TMEM50B: variants seen among roughly 807,000 people sequenced by gnomAD.
TMEM50B encodes transmembrane protein 50B, also known as HCV p7-trans-regulated protein 3.
Under a neutral mutation model 23.4 loss-of-function variants are expected in TMEM50B, and 14 were observed. The ratio of observed to expected loss-of-function variants is 0.60; its 90% CI spans 0.39 to 0.93. TMEM50B has a LOEUF of 0.93. Ranked by LOEUF, TMEM50B falls within the 40% of genes least tolerant of loss-of-function variation. The probability of loss-of-function intolerance (pLI) is 0.00; values close to 1 mark genes in which losing one functional copy is unlikely to be tolerated. For missense variants in TMEM50B, 159 were observed against 193.0 expected (o/e 0.82, Z 1.04); for synonymous variants, 64 against 62.3 (o/e 1.03, Z -0.13).
chr21:33,435,888 A>AG (rs1174234112), intron 8 of TMEM50B, among the ~76,000 whole-genome samples: 1 of 145,368 alleles, frequency 6.9e-6, no homozygotes, highest in African/African-American at 2.7e-5. Flanking sequence ...GTCTCAAAAA[A>AG]AAAAAAAAAA....
chr21:33,473,609 G>T (rs1459785882), intron 1 of TMEM50B, among the ~76,000 whole-genome samples: 1 of 150,040 alleles, frequency 6.7e-6, no homozygotes, highest in Non-Finnish European at 1.5e-5. Flanking sequence ...CCAGAAGTTC[G>T]AGGTTACAGT....
chr21:33,445,349 C>A (rs2084043028), downstream of TMEM50B, among the ~76,000 whole-genome samples: 1 of 152,254 alleles, frequency 6.6e-6, no homozygotes, highest in Non-Finnish European at 1.5e-5. Context: ...CTATCCAAAA[C>A]CCTAAGTAAA....
At chr21:33,469,672 T>TG (rs1217686475) in intron 1 of TMEM50B, 1 of 152,148 alleles carries the variant, frequency 6.6e-6, no homozygotes, top group African/African-American at 2.4e-5. Flanking sequence ...CACTAATGCT[T>TG]GGGCTACCAT....
Position 33,436,741 on chromosome 21 carries a change from A to T in TMEM50B, c.*2120+2473T>A, listed in dbSNP as rs2083956995. The T allele has an allele frequency of 5.2e-5, 57 of 1,104,686 alleles. No individual in the cohort carries two copies. The East Asian group carries it at 1.5e-3, about 29-fold the overall frequency. The allele number at this position is 1,104,686 out of a possible 1,614,324, so 68.4% of individuals were successfully genotyped here. On this transcript the variant is annotated intron_variant and NMD_transcript_variant, in intron 8 of 8. Transcript: ENST00000420455. ...TCTCAAAAAAAAAATAAAAATAAAA[A>T]TAAAATAAAAACAAAAACTAAAGTT...
Position 33,450,070 on chromosome 21 carries a change from T to C in TMEM50B, c.*748A>G, listed in dbSNP as rs1389632992. The C allele has an allele frequency of 6.6e-6, 1 of 152,196 alleles. No individual in the cohort carries two copies. Among genetic ancestry groups the C allele is most frequent in the Non-Finnish European group, 1.5e-5 (1 of 68,028 alleles). The allele number at this position is 152,196 out of a possible 1,614,324, so 9.4% of individuals were successfully genotyped here. On this transcript the variant is annotated 3_prime_UTR_variant, in exon 7 of 7. Transcript: ENST00000542230. ...TACATAAGAACAAATATTTTTTCTT[T>C]ACCAAAAAAACCTCATTTTTAGGCC... is the stretch of plus-strand genomic sequence containing the variant.
At chr21:33,466,596 G>A (rs955475232) in intron 3 of TMEM50B, among the ~76,000 whole-genome samples, 18 of 152,026 alleles carry the variant, frequency 1.2e-4, no homozygotes, top group African/African-American at 2.2e-4. Context: ...TGAAATCTCA[G>A]AGCCATCAGT....
intron 7 of TMEM50B, among the ~76,000 whole-genome samples, chr21:33,443,703 A>G (rs2084027950): frequency 2.6e-5 from 4 of 152,192 alleles, no homozygotes; most frequent in Admixed American, 2.6e-4. Flanking sequence ...TACTGTATCA[A>G]TGTTAATTTT....
chr21:33,464,412 C>T (rs1034842327), intron 4 of TMEM50B, among the ~76,000 whole-genome samples: 2 of 150,142 alleles, frequency 1.3e-5, no homozygotes, highest in East Asian at 4.1e-4. Context: ...GTTGGCAGGG[C>T]TGGTCTCGAA....
At chr21:33,436,610 T>A (rs1226678795) in intron 8 of TMEM50B, among the ~76,000 whole-genome samples, 2 of 151,754 alleles carry the variant, frequency 1.3e-5, no homozygotes, top group Admixed American at 1.3e-4. Flanking sequence ...TAGTCCCAGC[T>A]ACTTGGAGGA....
chr21:33,476,407 G>A (rs1295556711), intron 1 of TMEM50B, among the ~76,000 whole-genome samples: 4 of 151,970 alleles, frequency 2.6e-5, no homozygotes, highest in Non-Finnish European at 5.9e-5. Context: ...AGAATATATG[G>A]AATCTTAGAA....
intron 1 of TMEM50B, among the ~76,000 whole-genome samples, chr21:33,475,538 G>A (rs1206147261): frequency 6.6e-6 from 1 of 152,014 alleles, no homozygotes; most frequent in Non-Finnish European, 1.5e-5. Flanking sequence ...AGTAGAGACA[G>A]GGTTTCACCA....
chr21:33,479,550 G>A (rs1482870753), intron 1 of TMEM50B, among the ~76,000 whole-genome samples: 1 of 152,206 alleles, frequency 6.6e-6, no homozygotes, highest in Non-Finnish European at 1.5e-5. Context: ...ACCTGACGGC[G>A]TGACAGCGCG....
intron 6 of TMEM50B, among the ~76,000 whole-genome samples, chr21:33,452,871 C>G (rs941024886): frequency 6.6e-6 from 1 of 152,012 alleles, no homozygotes; most frequent in Admixed American, 6.5e-5. Flanking sequence ...GACAAGGACC[C>G]TGAGATAGCT....
At chr21:33,467,234 T>C in intron 2 of TMEM50B, 112 bp from the exon 3 acceptor site, 1 of 886,918 alleles carries the variant, frequency 1.1e-6, no homozygotes, top group Non-Finnish European at 1.7e-6. Flanking sequence ...GTACAGAGGC[T>C]CACGCCTGTA....
chr21:33,448,050 T>C (rs550446997), downstream of TMEM50B, among the ~76,000 whole-genome samples: 17 of 152,360 alleles, frequency 1.1e-4, no homozygotes, highest in Admixed American at 7.2e-4. Flanking sequence ...TGGAGTGCAG[T>C]TGCACGATCT....
At chr21:33,451,203 T>C (rs759201331) in intron 6 of TMEM50B, among the ~76,000 whole-genome samples, 11 of 152,188 alleles carry the variant, frequency 7.2e-5, no homozygotes, top group African/African-American at 1.2e-4. Context: ...TGACAGGCAT[T>C]AGGGCCATTT....
chr21:33,432,870 A>G (rs1302844786), intron 8 of TMEM50B: 2 of 1,606,516 alleles, frequency 1.2e-6, no homozygotes, highest in Non-Finnish European at 1.7e-6. Flanking sequence ...CAGATAGAAG[A>G]GGTACGTGTG....
At chr21:33,461,662 G>A (rs989691257) in intron 4 of TMEM50B, among the ~76,000 whole-genome samples, 6 of 151,944 alleles carry the variant, frequency 3.9e-5, no homozygotes, top group East Asian at 1.9e-4. Context: ...AAAATCAGTC[G>A]GGCTTGGTGG....
Position 33,468,919 on chromosome 21 carries a change from G to A in TMEM50B, c.-34C>T. The A allele has an allele frequency of 6.6e-7, 1 of 1,523,960 alleles. No individual in the cohort carries two copies. Among genetic ancestry groups the A allele is most frequent in the Non-Finnish European group, 9.1e-7 (1 of 1,101,176 alleles). The allele number at this position is 1,523,960 out of a possible 1,614,324, so 94.4% of individuals were successfully genotyped here. On this transcript the variant is annotated 5_prime_UTR_variant, in exon 2 of 7. Coordinates refer to ENST00000542230, the MANE Select transcript of TMEM50B (RefSeq NM_006134.7). ...CTTAAGCATAAATTTTTCATTAAAT[G>A]CTGTATCCTACAAACAGAAAGACAA...
Sources: gnomAD v4.1 joint callset for allele counts (sites outside exome capture counted in the v4.1 genomes callset) on GRCh38, gnomAD v4.1.1 for gene constraint, MANE v1.5 for transcripts, NCBI Gene and HGNC (gene_info 2026-07-23, HGNC 2026-07-21) for gene names.